CREBRF: variants seen among roughly 807,000 people sequenced by gnomAD.
CREBRF encodes the protein UPF0474 protein C5orf41.
CREBRF carries 5 observed loss-of-function variants against 66.1 expected under a neutral mutation model. That is an observed-to-expected ratio of 0.08 (90% CI 0.04 to 0.16). The LOEUF is 0.16. Among genes scored for constraint, CREBRF ranks in the 10% least tolerant of loss-of-function variants. CREBRF has a pLI of 1.00. For synonymous variants in CREBRF, 229 were observed against 264.4 expected (o/e 0.87, Z 1.30); for missense variants, 531 against 744.9 (o/e 0.71, Z 3.34).
intron 1 of CREBRF, among the ~76,000 whole-genome samples, chr5:173,061,870 A>G (rs968393936): frequency 6.6e-6 from 1 of 152,214 alleles, no homozygotes; most frequent in Non-Finnish European, 1.5e-5. Flanking sequence ...AATTTTTTTG[A>G]TAACTTTTGC....
intron 4 of CREBRF, among the ~76,000 whole-genome samples, chr5:173,107,018 G>A (rs1758766410): frequency 6.6e-6 from 1 of 152,096 alleles, no homozygotes; most frequent in South Asian, 2.1e-4. Flanking sequence ...CCAAAGTCCT[G>A]GGATTACAGG....
At chr5:173,121,563 C>G (rs531663973) in intron 7 of CREBRF, among the ~76,000 whole-genome samples, 3 of 152,042 alleles carry the variant, frequency 2.0e-5, no homozygotes, top group African/African-American at 7.2e-5. Flanking sequence ...ACCCCGTGAT[C>G]CGCCCGCCTT....
At chr5:173,066,794 T>C (rs145895090) in intron 1 of CREBRF, among the ~76,000 whole-genome samples, 1 of 150,814 alleles carries the variant, frequency 6.6e-6, no homozygotes, top group East Asian at 1.9e-4. Flanking sequence ...TATTGTGTCG[T>C]ATATTCATTG....
At position 173,090,666 on chromosome 5, in the gene CREBRF, G is replaced by A. The variant is rs1758298159; in HGVS notation, c.487G>A (p.Val163Ile). Residue 163 changes from valine (V) to isoleucine (I), a missense_variant, in exon 4 of 9, where the codon GTC becomes ATC. Around this residue, in one of 5 missense-constraint regions of CREBRF, gnomAD observed 133 missense variants for 215.6 expected, o/e 0.62. Transcript: ENST00000296953. The surrounding 1 kb of genome is among the most constrained non-coding windows in gnomAD (Gnocchi z 4.5). ...TTATTACCCCGATTCACTTTTCAGT[G>A]TCAAACAAAATCCCTTACCCTCTTC... ...SLYYPDSLFS[V>I]KQNPLPSSFP... The A allele has an allele frequency of 6.2e-7, 1 of 1,614,010 alleles. No individual in the cohort carries two copies. Among genetic ancestry groups the A allele is most frequent in the Non-Finnish European group, 8.5e-7 (1 of 1,180,026 alleles).
chr5:173,122,421 A>T (rs1292234755), intron 7 of CREBRF, among the ~76,000 whole-genome samples: 1 of 152,062 alleles, frequency 6.6e-6, no homozygotes, highest in Non-Finnish European at 1.5e-5. Flanking sequence ...TATTTTTAAA[A>T]AACAAGTGCC....
rs1277140732 is a variant in CREBRF, at chr5:173,111,291, T to C, written c.1607+580T>C. Reference sequence around the variant, plus strand: ...ATTGAACCTGTCTTCCTTTTTTTTTTTGAGACAGAGTCTCACTCTGTCACA... The same window carrying C: ...ATTGAACCTGTCTTCCTTTTTTTTTCTGAGACAGAGTCTCACTCTGTCACA... On this transcript the variant is annotated intron_variant, in intron 6 of 8. Transcript: ENST00000296953. Among the ~76,000 whole-genome samples the C allele has an allele frequency of 3.9e-5, 6 of 152,162 alleles. No individual in the cohort carries two copies. In the East Asian group the frequency reaches 1.2e-3, roughly 29 times the overall value.
chr5:173,077,046 C>T (rs1379323859), intron 1 of CREBRF, among the ~76,000 whole-genome samples: 4 of 151,536 alleles, frequency 2.6e-5, no homozygotes, highest in African/African-American at 4.9e-5. Flanking sequence ...CAGGTTCAAG[C>T]GATTCTCCTG....
At chr5:173,059,082 G>A (rs1431095789) in intron 1 of CREBRF, among the ~76,000 whole-genome samples, 1 of 151,840 alleles carries the variant, frequency 6.6e-6, no homozygotes, top group East Asian at 1.9e-4. Flanking sequence ...ACAGGTGTGA[G>A]CTACTGCGCC....
At chr5:173,071,368 C>T (rs541925664) in intron 1 of CREBRF, among the ~76,000 whole-genome samples, 16 of 152,082 alleles carry the variant, frequency 1.1e-4, no homozygotes, top group African/African-American at 3.4e-4. Flanking sequence ...TGAGCCACCA[C>T]GCCCAGCTAA....
intron 1 of CREBRF, among the ~76,000 whole-genome samples, chr5:173,076,628 T>C (rs1757772079): frequency 6.6e-6 from 1 of 151,642 alleles, no homozygotes; most frequent in African/African-American, 2.4e-5. Context: ...TGGTGCTGCA[T>C]GCCTGTAATC....
chr5:173,068,447 T>G (rs1271031399), intron 1 of CREBRF, among the ~76,000 whole-genome samples: 1 of 152,214 alleles, frequency 6.6e-6, no homozygotes, highest in Non-Finnish European at 1.5e-5. Flanking sequence ...ATGGCTCAGA[T>G]TGTCCAGAGC....
intron 3 of CREBRF, among the ~76,000 whole-genome samples, chr5:173,088,626 G>A (rs1249639931): frequency 6.6e-6 from 1 of 151,880 alleles, no homozygotes; most frequent in East Asian, 1.9e-4. Context: ...CATAAAGAAT[G>A]TGGCACAAAA....
intron 4 of CREBRF, chr5:173,092,372 G>A: frequency 1.0e-6 from 1 of 985,384 alleles, no homozygotes; most frequent in Non-Finnish European, 1.2e-6. Context: ...ATAAATAAAA[G>A]GGACAAAGAA....
At position 173,087,955 on chromosome 5, in the gene CREBRF, C is replaced by A. The variant is rs577464281; in HGVS notation, c.135+1329C>A. 1.1e-4 allele frequency among the ~76,000 whole-genome samples: 17 copies of A among 151,844 alleles called. No homozygotes were observed. In the South Asian group the frequency reaches 3.3e-3, roughly 30 times the overall value. On this transcript the variant is annotated intron_variant, in intron 3 of 8. Coordinates refer to ENST00000296953, the MANE Select transcript of CREBRF (RefSeq NM_153607.3). ...TCTCCTGCCTCAGCCTCCCGAGTAG[C>A]TGGGATTACAGGCATGCACCACCAC...
At position 173,139,164 on chromosome 5, in the gene CREBRF, A is replaced by C. The variant is rs1454519199; in HGVS notation, c.*5419A>C. 6.6e-6 allele frequency: 1 copy of C among 152,208 alleles called. No homozygotes were observed. Among genetic ancestry groups the C allele is most frequent in the Non-Finnish European group, 1.5e-5 (1 of 68,026 alleles). The allele number at this position is 152,208 out of a possible 1,614,324, so 9.4% of individuals were successfully genotyped here. A position where few individuals can be genotyped will look rare whatever the true frequency, so the allele number is the denominator to read the frequency against. ...GTTTTTCATTTCAGATGGAAAGGCA[A>C]TGCAAATTTTGCCTTTGTTTTCTGT... On this transcript the variant is annotated 3_prime_UTR_variant, in exon 9 of 9. Coordinates refer to ENST00000296953, the MANE Select transcript of CREBRF (RefSeq NM_153607.3).
At chr5:173,095,214 A>C (rs1326082356) in intron 4 of CREBRF, among the ~76,000 whole-genome samples, 7 of 107,032 alleles carry the variant, frequency 6.5e-5, no homozygotes, top group African/African-American at 2.6e-4. Flanking sequence ...TTTGAGATGG[A>C]GTCTCGTTCT....
At chr5:173,099,379 C>T (rs984408637) in intron 4 of CREBRF, among the ~76,000 whole-genome samples, 1 of 152,124 alleles carries the variant, frequency 6.6e-6, no homozygotes, top group African/African-American at 2.4e-5. Flanking sequence ...TGGTCTTGAA[C>T]TTCTGGGCTC....
rs182827379 is a variant in CREBRF at position 173,086,203 on chromosome 5, G to A, written c.10-298G>A. ...TCACCCACAACATATTTAATTGTCTGCATTGCTGAAATAGTTTTGTATCCA... is the reference window on the plus strand; with the variant it reads ...TCACCCACAACATATTTAATTGTCTACATTGCTGAAATAGTTTTGTATCCA... On this transcript the variant is annotated intron_variant, in intron 2 of 8. Coordinates refer to ENST00000296953, the MANE Select transcript of CREBRF (RefSeq NM_153607.3). 3.9e-6 allele frequency: 3 copies of A among 761,962 alleles called. No individual in the cohort carries two copies. The East Asian group carries it at 7.4e-5, about 19-fold the overall frequency. The allele number at this position is 761,962 out of a possible 1,614,324, so 47.2% of individuals were successfully genotyped here.
At chr5:173,091,435 C>G in intron 4 of CREBRF, 34 bp downstream of exon 4, 1 of 1,582,824 alleles carries the variant, frequency 6.3e-7, no homozygotes, top group Non-Finnish European at 8.6e-7. Flanking sequence ...CCAGACTGAC[C>G]TTTGTATTAC....
Sources: allele counts gnomAD v4.1 joint callset (sites outside exome capture counted in the v4.1 genomes callset), GRCh38; gene constraint gnomAD v4.1.1; regional missense constraint gnomAD v4.1.1; non-coding constraint Gnocchi (gnomAD v3.1); transcripts MANE v1.5; gene names NCBI Gene and HGNC (gene_info 2026-07-23, HGNC 2026-07-21).